The following ANGPTL5 variants were observed in gnomAD, a reference collection of about 807,000 sequenced individuals.
ANGPTL5 encodes angiopoietin like 5.
In ANGPTL5, 34 loss-of-function variants were observed where a neutral mutation model predicts 39.4. That is an observed-to-expected ratio of 0.86 (90% CI 0.66 to 1.15). ANGPTL5 has a LOEUF of 1.15. Among genes scored for constraint, ANGPTL5 ranks in the 50% most tolerant of loss-of-function variants. ANGPTL5 has a pLI of 0.00. For missense variants in ANGPTL5, 467 were observed against 457.5 expected, an observed-to-expected ratio of 1.02 and a Z score of -0.19; for synonymous variants, 146 against 152.1, an observed-to-expected ratio of 0.96 and a Z score of 0.29.
At chr11:101,914,593 C>T (rs1940155709) in intron 1 of ANGPTL5, among the ~76,000 whole-genome samples, 1 of 152,162 alleles carries the variant, frequency 6.6e-6, no homozygotes, top group Non-Finnish European at 1.5e-5. Context: ...ATTTCCACTT[C>T]ACAAAGACAT....
chr11:101,912,893 G>A (rs936707989), intron 1 of ANGPTL5, among the ~76,000 whole-genome samples: 6 of 152,196 alleles, frequency 3.9e-5, no homozygotes, highest in African/African-American at 1.4e-4. Flanking sequence ...CAGACACTTG[G>A]TGGCAGTAAG....
At chr11:101,899,821 G>C (rs558258811) in intron 7 of ANGPTL5, among the ~76,000 whole-genome samples, 7 of 152,146 alleles carry the variant, frequency 4.6e-5, no homozygotes, top group African/African-American at 1.4e-4. Context: ...TAAACTCACT[G>C]GCAGAAGTTC....
In ANGPTL5 at chr11:101,902,630, G is replaced by A. The variant is rs373146553; in HGVS notation, c.531C>T (p.Tyr177=). Residue 177 remains tyrosine (Y), a synonymous_variant, in exon 6 of 9, where the codon TAC becomes TAT. Coordinates refer to ENST00000334289, the MANE Select transcript of ANGPTL5 (RefSeq NM_178127.5). ...CAAATACGGGAAATACCTCAAATGGGTAGCTAGATCCTTCTGGGTGAATTA... is the reference window on the plus strand; with the variant it reads ...CAAATACGGGAAATACCTCAAATGGATAGCTAGATCCTTCTGGGTGAATTA... The part of the protein sequence containing the change: ...LYIIHPEGSS[Y]PFEVMCDMDY... The A allele has an allele frequency of 5.6e-6, 9 of 1,601,366 alleles. No homozygotes were observed. In the African/African-American group the frequency reaches 9.4e-5, roughly 17 times the overall value.
intron 7 of ANGPTL5, among the ~76,000 whole-genome samples, chr11:101,899,369 G>A (rs1939854665): frequency 6.6e-6 from 1 of 152,168 alleles, no homozygotes; most frequent in East Asian, 1.9e-4. Context: ...CAAAGTGCTG[G>A]GGTTACAGGC....
intron 5 of ANGPTL5, among the ~76,000 whole-genome samples, chr11:101,903,282 C>T (rs1939939253): frequency 1.3e-5 from 2 of 152,116 alleles, no homozygotes; most frequent in African/African-American, 4.8e-5. Flanking sequence ...ACTCTGTTAA[C>T]AACAGTTAGA....
Position 101,891,332 on chromosome 11 carries a change from T to A in ANGPTL5, c.1114A>T (p.Ile372Phe). Residue 372 changes from isoleucine (I) to phenylalanine (F), a missense_variant, in exon 9 of 9, where the codon ATT (isoleucine) becomes TTT (phenylalanine). Coordinates refer to ENST00000334289, the MANE Select transcript of ANGPTL5 (RefSeq NM_178127.5). The stretch of plus-strand genomic sequence containing the variant: ...CTAATTTTCATTGAAACAGATTTAA[T>A]CTTGACAGGTGAGTTGTTTTTGGTC... ...TWTKNNSPVK[I>F]KSVSMKIRRM... The A allele has an allele frequency of 6.2e-7, 1 of 1,614,082 alleles. No individual in the cohort carries two copies. The highest frequency in any genetic ancestry group is 1.1e-5 in the South Asian group (1 of 91,082).
chr11:101,916,376 A>C lies in ANGPTL5; in HGVS notation c.-450T>G, dbSNP rs1940213224. On this transcript the variant is annotated 5_prime_UTR_variant, in exon 1 of 9. Coordinates refer to ENST00000334289, the MANE Select transcript of ANGPTL5 (RefSeq NM_178127.5). ...TCTAGGGATACAAATCTAGTGAGGAAGACAAATGTGTATAGAGCTTCACTA... is the reference window on the plus strand; with the variant it reads ...TCTAGGGATACAAATCTAGTGAGGACGACAAATGTGTATAGAGCTTCACTA... 1 of 152,214 alleles carries C rather than the reference A, an allele frequency of 6.6e-6. No individual in the cohort carries two copies. 9.4% of individuals were successfully genotyped at this position (152,214 alleles called of 1,614,324 possible).
At chr11:101,906,294 A>G (rs1939996272) in intron 3 of ANGPTL5, among the ~76,000 whole-genome samples, 1 of 152,172 alleles carries the variant, frequency 6.6e-6, no homozygotes, top group South Asian at 2.1e-4. Context: ...CTATATTTAC[A>G]CAATTAAATT....
At chr11:101,910,418 AAAAAAAATAT>A (rs937166154) in intron 1 of ANGPTL5, among the ~76,000 whole-genome samples, 2 of 134,932 alleles carry the variant, frequency 1.5e-5, no homozygotes, top group African/African-American at 5.5e-5. Context: ...CTCAAAAAAA[AAAAAAAATAT>A]ATATATATAT....
chr11:101,898,149 G>A (rs1187484033), intron 7 of ANGPTL5, among the ~76,000 whole-genome samples: 2 of 152,100 alleles, frequency 1.3e-5, no homozygotes, highest in African/African-American at 2.4e-5. Context: ...CTTGAACCCA[G>A]CAGGCAGAGG....
Position 101,900,449 on chromosome 11 carries a change from A to G in ANGPTL5, c.642T>C (p.Asp214=), listed in dbSNP as rs913077994. Residue 214 remains aspartate (D), a synonymous_variant, in exon 7 of 9, where the codon GAT becomes GAC. Coordinates refer to ENST00000334289, the MANE Select transcript of ANGPTL5 (RefSeq NM_178127.5). ...ATTAACCTAGAAGATCTCCAAATCC[A>G]TCCAGATAATCACACCACAACCTCT... ...DFQRLWCDYL[D]GFGDLLGEFW... is the part of the protein sequence containing the mutation. 1 of 1,613,488 alleles carries G rather than the reference A, an allele frequency of 6.2e-7. No individual in the cohort carries two copies. The highest frequency in any genetic ancestry group is 1.7e-5 in the Admixed American group (1 of 60,028).
In ANGPTL5 at chr11:101,915,481, A is replaced by G. The variant is rs942735925; in HGVS notation, c.-93+538T>C. The G allele has an allele frequency of 3.2e-6, 5 of 1,549,758 alleles. No homozygotes were observed. The Admixed American group carries it at 7.5e-5, about 23-fold the overall frequency. ...ACGGGGCCCATCTTTTTCCAATTAG[A>G]TTCCCATTACCTTTGACGCAGGGTG... On this transcript the variant is annotated intron_variant, in intron 1 of 8. Coordinates refer to ENST00000334289, the MANE Select transcript of ANGPTL5 (RefSeq NM_178127.5).
At chr11:101,896,632 T>C (rs1440119188) in intron 7 of ANGPTL5, among the ~76,000 whole-genome samples, 1 of 152,168 alleles carries the variant, frequency 6.6e-6, no homozygotes, top group Non-Finnish European at 1.5e-5. Flanking sequence ...CTGTGTTAGT[T>C]TGCTGAGAAT....
intron 7 of ANGPTL5, among the ~76,000 whole-genome samples, chr11:101,895,285 C>G (rs940490930): frequency 1.2e-4 from 18 of 152,148 alleles, no homozygotes; most frequent in South Asian, 2.1e-4. Flanking sequence ...AAATCAGACC[C>G]TTTTTCATTT....
Position 101,915,225 on chromosome 11 carries a change from G to A in ANGPTL5, c.-93+794C>T, listed in dbSNP as rs988782896. 5 of 1,602,586 alleles carry A rather than the reference G, an allele frequency of 3.1e-6. No individual in the cohort carries two copies. The African/African-American group carries it at 6.7e-5, about 21-fold the overall frequency. On this transcript the variant is annotated intron_variant, in intron 1 of 8. Transcript: ENST00000334289. ...AGGGGCCGAGCAGGAGGAGGAGGAA[G>A]CCGGAGCTGCCATGAGGGAGGTTCT... is the stretch of plus-strand genomic sequence containing the variant.
At chr11:101,899,557 C>T (rs1309076037) in intron 7 of ANGPTL5, among the ~76,000 whole-genome samples, 2 of 152,194 alleles carry the variant, frequency 1.3e-5, no homozygotes, top group East Asian at 3.8e-4. Context: ...TCTATAACTA[C>T]CTAATTCAAG....
chr11:101,907,712 A>G (rs539688597), intron 2 of ANGPTL5, 102 bp downstream of exon 2: 1 of 787,840 alleles, frequency 1.3e-6, no homozygotes, highest in African/African-American at 1.8e-5. Context: ...TTGTTCCATA[A>G]ATTATATTTG....
At chr11:101,915,256 C>G in intron 1 of ANGPTL5, 1 of 1,611,616 alleles carries the variant, frequency 6.2e-7, no homozygotes, top group Non-Finnish European at 8.5e-7. Context: ...GTTCTGGGGG[C>G]GAGCAGACAG....
At position 101,907,978 on chromosome 11, in the gene ANGPTL5, C is replaced by T; in HGVS notation, c.-69G>A. ...GCTCTTTGTGGAAAGAACTACAGAG[C>T]ATAGAGTCTTCAGTTAAAAACCTCT... is the stretch of plus-strand genomic sequence containing the variant. On this transcript the variant is annotated 5_prime_UTR_variant, in exon 2 of 9. An upstream start codon of the reference 5' UTR is lost. Transcript: ENST00000334289. 3 of 1,177,088 alleles carry T rather than the reference C, an allele frequency of 2.5e-6. No homozygotes were observed. Among genetic ancestry groups the T allele is most frequent in the Middle Eastern group, 1.9e-4 (1 of 5,166 alleles). 72.9% of individuals were successfully genotyped at this position (1,177,088 alleles called of 1,614,324 possible). A position where few individuals can be genotyped will look rare whatever the true frequency, so the allele number is the denominator to read the frequency against.
Sources: gnomAD v4.1 joint callset for allele counts (sites outside exome capture counted in the v4.1 genomes callset) on GRCh38, gnomAD v4.1.1 for gene constraint, MANE v1.5 for transcripts, NCBI Gene and HGNC (gene_info 2026-07-23, HGNC 2026-07-21) for gene names.